Variants in ADGRV1 observed in about 807,000 individuals in gnomAD.
The protein encoded by ADGRV1 is G-protein coupled receptor 98.
ADGRV1 carries 359 observed loss-of-function variants against 596.2 expected under a neutral mutation model. The observed-to-expected ratio is 0.60, with a 90% confidence interval of 0.55 to 0.66. The LOEUF is 0.66. Ranked by LOEUF, ADGRV1 falls within the 30% of genes least tolerant of loss-of-function variation. The pLI, the probability that ADGRV1 is intolerant of heterozygous loss-of-function variation, is 0.00. For missense variants in ADGRV1, 7,274 were observed against 7,575.6 expected, an observed-to-expected ratio of 0.96 and a Z score of 1.48; for synonymous variants, 2,681 against 2,679.2, an observed-to-expected ratio of 1.00 and a Z score of -0.02.
At chr5:90,595,440 A>AC (rs1317379653) in intron 1 of ADGRV1, among the ~76,000 whole-genome samples, 3 of 30,478 alleles carry the variant, frequency 9.8e-5, no homozygotes, top group Admixed American at 5.0e-4. Flanking sequence ...CGGGGGGCTG[A>AC]CCCCCCCACC....
intron 51 of ADGRV1, 37 bp downstream of exon 51, chr5:90,745,302 C>A: frequency 2.3e-6 from 3 of 1,305,696 alleles, no homozygotes; most frequent in South Asian, 2.8e-5. Flanking sequence ...TCTTTATGTT[C>A]ACTGTAATTT....
intron 54 of ADGRV1, 96 bp downstream of exon 54, chr5:90,753,925 A>T: frequency 7.8e-7 from 1 of 1,277,752 alleles, no homozygotes; most frequent in Non-Finnish European, 1.0e-6. Context: ...CTCTTTTTAT[A>T]TGACTTTTTC....
At position 91,095,022 on chromosome 5, in the gene ADGRV1, G is replaced by C. The variant is rs150029928; in HGVS notation, c.18311-7197G>C. Among the ~76,000 whole-genome samples the C allele has an allele frequency of 7.2e-5, 11 of 152,302 alleles. No homozygotes were observed. The East Asian group carries it at 2.1e-3, about 29-fold the overall frequency. On this transcript the variant is annotated intron_variant, in intron 86 of 89. Coordinates refer to ENST00000405460, the MANE Select transcript of ADGRV1 (RefSeq NM_032119.4). ...CTGGAGACAGAGGCCAAAGGACCTAGAGTGAGTTTCTTATTATCTGAATGG... is the reference window on the plus strand; with the variant it reads ...CTGGAGACAGAGGCCAAAGGACCTACAGTGAGTTTCTTATTATCTGAATGG...
chr5:91,143,851 GC>G (rs1795310600), intron 87 of ADGRV1, among the ~76,000 whole-genome samples: 1 of 152,164 alleles, frequency 6.6e-6, no homozygotes, highest in Non-Finnish European at 1.5e-5. Context: ...GCAGGCCAGT[GC>G]TGAGCTGCCC....
intron 1 of ADGRV1, among the ~76,000 whole-genome samples, chr5:90,560,649 G>A (rs1754698364): frequency 6.6e-6 from 1 of 151,960 alleles, no homozygotes. Flanking sequence ...TCTATAATGG[G>A]GCAAAGGTAA....
At chr5:90,997,146 A>C (rs1420025720) in intron 85 of ADGRV1, among the ~76,000 whole-genome samples, 1 of 152,122 alleles carries the variant, frequency 6.6e-6, no homozygotes, top group Admixed American at 6.5e-5. Flanking sequence ...ATGTGAGGAC[A>C]TGAGATTTGG....
rs372459429 is a variant in ADGRV1 at position 90,642,749 on chromosome 5, C to T, written c.2354C>T (p.Pro785Leu). 8.7e-6 allele frequency: 14 copies of T among 1,611,742 alleles called. No homozygotes were observed. Among genetic ancestry groups the T allele is most frequent in the Non-Finnish European group, 1.1e-5 (13 of 1,179,092 alleles). ...GAATTTTCTCCTGCTTCCAGAGGAC[C>T]CTATGTTATAAAAGTAAGTACGAAA... ...VFEFSPASRG[P>L]YVIKEGESVE... Residue 785 changes from proline to leucine, a missense_variant, in exon 12 of 90, where the codon CCC becomes CTC. Around this residue, in one of 5 missense-constraint regions of ADGRV1, gnomAD observed 1,715 missense variants for 1,708.8 expected, o/e 1.00. Transcript: ENST00000405460.
chr5:90,933,106 G>A (rs2150817554), intron 83 of ADGRV1, among the ~76,000 whole-genome samples: 1 of 152,270 alleles, frequency 6.6e-6, no homozygotes, highest in African/African-American at 2.4e-5. Context: ...CAGAGCTTGA[G>A]ACCTGGTCCC....
At chr5:90,888,357 G>GT (rs142847058) in intron 83 of ADGRV1, among the ~76,000 whole-genome samples, 2,584 of 151,662 alleles carry the variant, frequency 0.017, 68 homozygotes, top group African/African-American at 0.059. Flanking sequence ...AAGAGAAAAA[G>GT]TTTTTTTTTG....
chr5:91,056,403 C>T (rs6452930), intron 85 of ADGRV1, among the ~76,000 whole-genome samples: 89,258 of 151,892 alleles, frequency 0.59, 26,940 homozygotes, highest in South Asian at 0.68. Flanking sequence ...AGCTGGTCAT[C>T]GCCAGTTGTC....
chr5:91,017,294 C>A (rs1186694792), intron 85 of ADGRV1, among the ~76,000 whole-genome samples: 5 of 151,856 alleles, frequency 3.3e-5, no homozygotes, highest in Admixed American at 3.3e-4. Flanking sequence ...AAAGATAATA[C>A]AGCAAGTACT....
intron 26 of ADGRV1, among the ~76,000 whole-genome samples, chr5:90,681,111 C>T (rs920298184): frequency 3.9e-5 from 6 of 152,196 alleles, no homozygotes; most frequent in Admixed American, 6.5e-5. Flanking sequence ...TTGTACATCA[C>T]GTTGGTGCCA....
chr5:90,921,052 C>T (rs138667508), intron 83 of ADGRV1, among the ~76,000 whole-genome samples: 42 of 152,284 alleles, frequency 2.8e-4, no homozygotes, highest in African/African-American at 9.1e-4. Flanking sequence ...CAACAAATTT[C>T]AAGTTCCCTA....
chr5:90,577,392 GT>G (rs1487914554), intron 1 of ADGRV1, among the ~76,000 whole-genome samples: 9 of 152,152 alleles, frequency 5.9e-5, no homozygotes, highest in Non-Finnish European at 1.2e-4. Flanking sequence ...CCCATTTCTT[GT>G]TTTTGTCAGG....
At chr5:90,895,048 C>T (rs762992129) in intron 83 of ADGRV1, among the ~76,000 whole-genome samples, 9 of 152,084 alleles carry the variant, frequency 5.9e-5, no homozygotes, top group Admixed American at 2.0e-4. Flanking sequence ...CCCACCTCAG[C>T]CTACTGAGCA....
intron 83 of ADGRV1, among the ~76,000 whole-genome samples, chr5:90,917,093 T>C (rs1223418728): frequency 2.0e-5 from 3 of 152,214 alleles, no homozygotes; most frequent in Non-Finnish European, 4.4e-5. Context: ...TGAACAAACC[T>C]TGCTGTTTGT....
At chr5:90,593,304 A>T (rs771510821) in intron 1 of ADGRV1, among the ~76,000 whole-genome samples, 2 of 152,208 alleles carry the variant, frequency 1.3e-5, no homozygotes, top group Non-Finnish European at 2.9e-5. Context: ...CTTTGCAGGG[A>T]CATGGATGAA....
intron 6 of ADGRV1, chr5:90,626,433 A>G (rs990293188): frequency 6.6e-6 from 1 of 152,136 alleles, no homozygotes; most frequent in African/African-American, 2.4e-5. Flanking sequence ...ATAACATTTT[A>G]TTTTTAAGAT....
intron 86 of ADGRV1, among the ~76,000 whole-genome samples, chr5:91,090,065 T>C (rs1035832654): frequency 1.3e-5 from 2 of 152,216 alleles, no homozygotes; most frequent in African/African-American, 4.8e-5. Context: ...TTCCACCTTA[T>C]GAAACATTTA....
Sources: gnomAD v4.1 joint callset for allele counts (sites outside exome capture counted in the v4.1 genomes callset) on GRCh38, gnomAD v4.1.1 for gene constraint, gnomAD v4.1.1 regional missense constraint, MANE v1.5 for transcripts, NCBI Gene and HGNC (gene_info 2026-07-23, HGNC 2026-07-21) for gene names.